Variants in TEX26 observed in about 807,000 individuals in gnomAD.
TEX26 encodes the protein testis expressed 26, also known as testis-expressed protein 26.
A neutral mutation model predicts 35.3 loss-of-function variants in TEX26; 34 were observed. That is an observed-to-expected ratio of 0.96 (90% CI 0.73 to 1.28). The LOEUF is 1.28. Ranked by LOEUF, TEX26 falls within the 50% of genes most tolerant of loss-of-function variation. TEX26 has a pLI of 0.00. For synonymous variants in TEX26, 136 were observed against 111.8 expected (o/e 1.22, Z -1.36); for missense variants, 371 against 330.1 (o/e 1.12, Z -0.96).
intron 3 of TEX26, among the ~76,000 whole-genome samples, chr13:30,956,212 G>A (rs928349291): frequency 1.3e-4 from 16 of 127,394 alleles, no homozygotes; most frequent in African/African-American, 5.0e-4. Flanking sequence ...TCCCCTTCCT[G>A]TGTCCATGTG....
intron 6 of TEX26, among the ~76,000 whole-genome samples, chr13:30,970,158 GGTGTGTGTGAGT>G (rs997314790): frequency 1.6e-5 from 2 of 124,062 alleles, no homozygotes; most frequent in East Asian, 2.4e-4. Flanking sequence ...GACAGGGAAG[GGTGTGTGTGAGT>G]GTGTGTGTGT....
intron 3 of TEX26, 87 bp downstream of exon 3, chr13:30,952,912 A>G (rs571759189): frequency 2.6e-6 from 3 of 1,173,926 alleles, no homozygotes; most frequent in Admixed American, 2.4e-5. Context: ...TGTCACAAAG[A>G]TCTCTCAGCT....
chr13:30,972,730 A>T (rs1446423453), intron 6 of TEX26, among the ~76,000 whole-genome samples: 1 of 152,144 alleles, frequency 6.6e-6, no homozygotes, highest in Non-Finnish European at 1.5e-5. Context: ...TGCCTTGAGG[A>T]TTCAAGCAAT....
intron 2 of TEX26, among the ~76,000 whole-genome samples, chr13:30,940,691 A>G (rs758015720): frequency 1.3e-5 from 2 of 152,104 alleles, no homozygotes; most frequent in Non-Finnish European, 2.9e-5. Context: ...AGAGCCTTCA[A>G]TTATCATCTT....
chr13:30,959,605 CTTA>C (rs1260998860), intron 4 of TEX26, among the ~76,000 whole-genome samples: 2 of 124,464 alleles, frequency 1.6e-5, no homozygotes, highest in Non-Finnish European at 3.0e-5. Context: ...GTTGTTTTCT[CTTA>C]TTTTTACCAG....
At chr13:30,970,400 TC>T (rs1954675491) in intron 6 of TEX26, among the ~76,000 whole-genome samples, 1 of 152,118 alleles carries the variant, frequency 6.6e-6, no homozygotes, top group Admixed American at 6.5e-5. Context: ...CTCCCTGCTC[TC>T]CACAGATGCC....
chr13:30,962,368 G>A (rs1346671854), intron 4 of TEX26, among the ~76,000 whole-genome samples: 1 of 152,140 alleles, frequency 6.6e-6, no homozygotes, highest in African/African-American at 2.4e-5. Flanking sequence ...CCGACTAACA[G>A]CCTCCGCATA....
intron 2 of TEX26, among the ~76,000 whole-genome samples, chr13:30,948,064 T>C (rs1380090007): frequency 6.6e-6 from 1 of 152,208 alleles, no homozygotes; most frequent in Non-Finnish European, 1.5e-5. Context: ...ACAAATGACA[T>C]GAACTCATCA....
At chr13:30,939,995 C>T (rs1306287490) in intron 2 of TEX26, among the ~76,000 whole-genome samples, 2 of 152,124 alleles carry the variant, frequency 1.3e-5, no homozygotes, top group East Asian at 1.9e-4. Flanking sequence ...GAGAAAATGG[C>T]TACCAATTTT....
intron 4 of TEX26, among the ~76,000 whole-genome samples, chr13:30,957,625 G>A (rs1471931639): frequency 1.3e-5 from 2 of 152,220 alleles, no homozygotes; most frequent in Non-Finnish European, 2.9e-5. Flanking sequence ...GGAGGAGGCT[G>A]TTAGGGGAGC....
intron 2 of TEX26, among the ~76,000 whole-genome samples, chr13:30,943,068 A>G (rs1034448744): frequency 6.6e-6 from 1 of 152,084 alleles, no homozygotes; most frequent in Non-Finnish European, 1.5e-5. Flanking sequence ...GACTCTGTAG[A>G]TTGCTTTGAG....
intron 5 of TEX26, 34 bp downstream of exon 5, chr13:30,966,432 C>CA: frequency 2.0e-6 from 2 of 994,330 alleles, no homozygotes; most frequent in Non-Finnish European, 2.7e-6. Context: ...TTCTTTTTCT[C>CA]TTTTTTTTTT....
At chr13:30,966,818 C>G (rs1349124008) in intron 5 of TEX26, among the ~76,000 whole-genome samples, 3 of 152,184 alleles carry the variant, frequency 2.0e-5, no homozygotes, top group African/African-American at 7.2e-5. Context: ...AGGGCGCTGG[C>G]AGCCCGTTTT....
chr13:30,942,098 T>C lies in TEX26; in HGVS notation c.146+2320T>C, dbSNP rs143640604. 7.9e-5 allele frequency among the ~76,000 whole-genome samples: 12 copies of C among 152,336 alleles called. No individual in the cohort carries two copies. In the East Asian group the frequency reaches 1.9e-3, roughly 24 times the overall value. ...TAAGAAATATTCATACTGTTTTCCA[T>C]AGAGGTTGTACTAATTTACATTCCC... is the stretch of plus-strand genomic sequence containing the variant. On this transcript the variant is annotated intron_variant, in intron 2 of 6. Transcript: ENST00000380473.
At chr13:30,963,892 C>T (rs575497624) in intron 4 of TEX26, among the ~76,000 whole-genome samples, 2 of 152,132 alleles carry the variant, frequency 1.3e-5, no homozygotes, top group South Asian at 2.1e-4. Flanking sequence ...AATGATTCCA[C>T]CTCTATGCCG....
intron 2 of TEX26, among the ~76,000 whole-genome samples, chr13:30,947,594 G>A (rs974347790): frequency 1.3e-5 from 2 of 152,012 alleles, no homozygotes; most frequent in Non-Finnish European, 2.9e-5. Context: ...CAGTTTCTGA[G>A]AATATATTGA....
intron 1 of TEX26, among the ~76,000 whole-genome samples, chr13:30,935,381 G>A (rs1187459758): frequency 6.6e-6 from 1 of 152,252 alleles, no homozygotes; most frequent in Non-Finnish European, 1.5e-5. Context: ...GCCTCCTCCA[G>A]CCTGCGCATG....
chr13:30,941,176 T>G (rs1312222305), intron 2 of TEX26, among the ~76,000 whole-genome samples: 2 of 152,188 alleles, frequency 1.3e-5, no homozygotes, highest in Non-Finnish European at 2.9e-5. Flanking sequence ...CACAAAGCAC[T>G]AGGACAGTGA....
intron 6 of TEX26, among the ~76,000 whole-genome samples, chr13:30,970,548 A>T (rs1954679316): frequency 6.6e-6 from 1 of 152,178 alleles, no homozygotes; most frequent in Non-Finnish European, 1.5e-5. Flanking sequence ...AATTTTGTAT[A>T]TAAAATTATC....
Sources: allele counts gnomAD v4.1 joint callset (sites outside exome capture counted in the v4.1 genomes callset), GRCh38; gene constraint gnomAD v4.1.1; transcripts MANE v1.5; gene names NCBI Gene and HGNC (gene_info 2026-07-23, HGNC 2026-07-21).